Variants in LEPR observed in about 807,000 individuals in gnomAD.
LEPR encodes the protein OB receptor.
Under a neutral mutation model 114.7 loss-of-function variants are expected in LEPR, and 56 were observed. The observed-to-expected ratio is 0.49, with a 90% CI of 0.39 to 0.61. LEPR has a LOEUF of 0.61. Among genes scored for constraint, LEPR ranks in the 20% least tolerant of loss-of-function variants. The pLI, the probability that LEPR is intolerant of heterozygous loss-of-function variation, is 0.00. For synonymous variants in LEPR, 443 were observed against 461.4 expected (o/e 0.96, Z 0.51); for missense variants, 1,202 against 1,352.9 (o/e 0.89, Z 1.75).
rs563537735 is a variant in LEPR, at chr1:65,628,553, C to G, written c.2673+5572C>G. Among the ~76,000 whole-genome samples, 15 of 152,154 alleles carry G rather than the reference C, an allele frequency of 9.9e-5. No homozygotes were observed. In the East Asian group the frequency reaches 2.9e-3, roughly 29 times the overall value. On this transcript the variant is annotated intron_variant, in intron 19 of 19. Transcript: ENST00000349533. ...TGAAGTACTGAAAATGTTAATGTACCTTTCATATTATTCCAAAAATATCTC... is the reference window on the plus strand; with the variant it reads ...TGAAGTACTGAAAATGTTAATGTACGTTTCATATTATTCCAAAAATATCTC...
intron 2 of LEPR, among the ~76,000 whole-genome samples, chr1:65,553,249 T>A (rs1557658715): frequency 6.6e-6 from 1 of 152,208 alleles, no homozygotes. Flanking sequence ...TTCTTGAATT[T>A]GAATGTTGGC....
intron 19 of LEPR, among the ~76,000 whole-genome samples, chr1:65,628,775 T>C (rs1658360596): frequency 6.6e-6 from 1 of 152,168 alleles, no homozygotes; most frequent in African/African-American, 2.4e-5. Flanking sequence ...ATATGTCTCT[T>C]TGTTCTCTCA....
At chr1:65,598,063 T>G (rs1046524708) in intron 7 of LEPR, among the ~76,000 whole-genome samples, 23 of 150,692 alleles carry the variant, frequency 1.5e-4, no homozygotes, top group African/African-American at 5.6e-4. Context: ...AGCTGAATTT[T>G]GATCTCCTAG....
chr1:65,439,915 T>TA (rs941718387), intron 2 of LEPR, among the ~76,000 whole-genome samples: 1 of 127,206 alleles, frequency 7.9e-6, no homozygotes, highest in Admixed American at 9.9e-5. Flanking sequence ...GGCAGGAGAC[T>TA]AACTTGAACC....
At chr1:65,609,632 A>G (rs1163488398) in intron 12 of LEPR, among the ~76,000 whole-genome samples, 1 of 152,216 alleles carries the variant, frequency 6.6e-6, no homozygotes, top group African/African-American at 2.4e-5. Flanking sequence ...TTCTTAAAAC[A>G]TCTTTGTGGG....
intron 2 of LEPR, among the ~76,000 whole-genome samples, chr1:65,476,724 T>G (rs975306572): frequency 6.6e-6 from 1 of 152,176 alleles, no homozygotes; most frequent in Non-Finnish European, 1.5e-5. Context: ...TTTCTCACAA[T>G]GCACTATGAG....
At chr1:65,511,427 T>TAC (rs1491317215) in intron 2 of LEPR, among the ~76,000 whole-genome samples, 1 of 112,090 alleles carries the variant, frequency 8.9e-6, no homozygotes, top group Admixed American at 1.0e-4. Context: ...TATATATATG[T>TAC]ATACACACAC....
chr1:65,444,642 C>G (rs1646691905), intron 2 of LEPR, among the ~76,000 whole-genome samples: 1 of 151,540 alleles, frequency 6.6e-6, no homozygotes, highest in African/African-American at 2.4e-5. Context: ...AGTAGGGACT[C>G]AAAAAATATC....
chr1:65,521,355 CA>C (rs1415834703), intron 2 of LEPR, among the ~76,000 whole-genome samples: 1 of 152,118 alleles, frequency 6.6e-6, no homozygotes, highest in Non-Finnish European at 1.5e-5. Flanking sequence ...CCATCTGACT[CA>C]AAGGCCTGAC....
Position 65,636,595 on chromosome 1 carries a change from T to A in LEPR, c.3078T>A (p.Asn1026Lys). Residue 1026 changes from asparagine to lysine, a missense_variant, in exon 20 of 20, where the codon AAT becomes AAA. Asn to Lys is a moderately conservative substitution (Grantham distance 94). Coordinates refer to ENST00000349533, the MANE Select transcript of LEPR (RefSeq NM_002303.6). Reference protein sequence around the residue: ...KNSPLKDSFSNSSWEIEAQAF... With the variant: ...KNSPLKDSFSKSSWEIEAQAF... ...CTCCGTTGAAGGATTCTTTCTCTAATAGCTCATGGGAGATAGAGGCCCAGG... is the reference window on the plus strand; with the variant it reads ...CTCCGTTGAAGGATTCTTTCTCTAAAAGCTCATGGGAGATAGAGGCCCAGG... 6.2e-7 allele frequency: 1 copy of A among 1,614,128 alleles called. No homozygotes were observed. Among genetic ancestry groups the A allele is most frequent in the Non-Finnish European group, 8.5e-7 (1 of 1,179,994 alleles).
chr1:65,546,003 TC>T (rs1472957143), intron 2 of LEPR, among the ~76,000 whole-genome samples: 1 of 151,580 alleles, frequency 6.6e-6, no homozygotes, highest in African/African-American at 2.4e-5. Flanking sequence ...AAGGAAGGGA[TC>T]CAGTTTCAGC....
rs1053410042 is a variant in LEPR at position 65,596,450 on chromosome 1, A to G, written c.706A>G (p.Lys236Glu). ...GTATTCTCTTTTTTTTCCTTAAGTGAAGCCTGATCCACCATTAGGTTTGCA... is the reference window on the plus strand; with the variant it reads ...GTATTCTCTTTTTTTTCCTTAAGTGGAGCCTGATCCACCATTAGGTTTGCA... ...LMSVQPINMV[K>E]PDPPLGLHME... is the part of the protein sequence containing the mutation. Residue 236 changes from lysine to glutamate, a missense_variant and splice_region_variant, in exon 7 of 20, where the codon AAG (lysine) becomes GAG (glutamate). Physicochemically the swap from Lys to Glu is moderately conservative, Grantham distance 56. Transcript: ENST00000349533. 3.7e-6 allele frequency: 6 copies of G among 1,612,590 alleles called. No homozygotes were observed. The highest frequency in any genetic ancestry group is 2.2e-5 in the South Asian group (2 of 91,046).
intron 2 of LEPR, among the ~76,000 whole-genome samples, chr1:65,458,326 C>T (rs938442273): frequency 1.3e-5 from 2 of 152,088 alleles, no homozygotes; most frequent in Non-Finnish European, 2.9e-5. Flanking sequence ...TATTATTTTC[C>T]CTCTTTCTGA....
intron 2 of LEPR, among the ~76,000 whole-genome samples, chr1:65,472,096 A>G (rs867554510): frequency 1.3e-5 from 2 of 152,316 alleles, no homozygotes; most frequent in Middle Eastern, 3.4e-3. Flanking sequence ...GCCTTTGTGA[A>G]TAAATACTAT....
In LEPR at chr1:65,633,136, T is replaced by C. The variant is rs1658589448; in HGVS notation, c.2674-3055T>C. The C allele has an allele frequency of 1.3e-6, 2 of 1,534,132 alleles. No individual in the cohort carries two copies. The highest frequency in any genetic ancestry group is 2.7e-5 in the African/African-American group (2 of 73,390). On this transcript the variant is annotated intron_variant, in intron 19 of 19. Transcript: ENST00000349533. This position sits in a 1 kb window ranked among gnomAD's most constrained non-coding sequence, Gnocchi z 4.1. ...TTTATTTTGCTTTCTTATTTTGTTT[T>C]ATTTTATCTAAACAGAGAACGGACA...
At chr1:65,480,527 A>G (rs562900049) in intron 2 of LEPR, among the ~76,000 whole-genome samples, 54 of 152,314 alleles carry the variant, frequency 3.5e-4, no homozygotes, top group African/African-American at 1.2e-3. Context: ...GCAGTAAATG[A>G]TAATTTAAAA....
chr1:65,535,099 A>G (rs1307497089), intron 2 of LEPR, among the ~76,000 whole-genome samples: 1 of 152,120 alleles, frequency 6.6e-6, no homozygotes, highest in Non-Finnish European at 1.5e-5. Flanking sequence ...GAGATGATAA[A>G]TCATACACAC....
intron 2 of LEPR, among the ~76,000 whole-genome samples, chr1:65,468,446 G>A (rs905893076): frequency 2.0e-5 from 3 of 152,192 alleles, no homozygotes; most frequent in African/African-American, 7.2e-5. Flanking sequence ...ACTCTTCTGT[G>A]ATTCTAAAAC....
In LEPR at chr1:65,498,511, G is replaced by C. The variant is rs937555851; in HGVS notation, c.-20-67035G>C. ...ATAAACATAATGACCCAAGAATGAC[G>C]ATGGCGAAATATGACATTTTCTGGT... On this transcript the variant is annotated intron_variant, in intron 2 of 19. Coordinates refer to ENST00000349533, the MANE Select transcript of LEPR (RefSeq NM_002303.6). Among the ~76,000 whole-genome samples the C allele has an allele frequency of 4.6e-5, 7 of 152,108 alleles. No homozygotes were observed. The East Asian group carries it at 1.4e-3, about 29-fold the overall frequency.
Sources: gnomAD v4.1 joint callset for allele counts (sites outside exome capture counted in the v4.1 genomes callset) on GRCh38, gnomAD v4.1.1 for gene constraint, Gnocchi (gnomAD v3.1) non-coding constraint, MANE v1.5 for transcripts, NCBI Gene and HGNC (gene_info 2026-07-23, HGNC 2026-07-21) for gene names.